CHST8: variants seen among roughly 807,000 people sequenced by gnomAD.
CHST8 encodes the protein carbohydrate sulfotransferase 8, also known as GALNAC-4-ST1.
CHST8 carries 10 observed loss-of-function variants against 15.0 expected under a neutral mutation model. The ratio of observed to expected loss-of-function variants is 0.67; its 90% CI spans 0.41 to 1.13. The LOEUF is 1.13. Ranked by LOEUF, CHST8 falls within the 50% of genes most tolerant of loss-of-function variation. The pLI, the probability that CHST8 is intolerant of heterozygous loss-of-function variation, is 0.00. For synonymous variants in CHST8, 259 were observed against 256.6 expected (o/e 1.01, Z -0.09); for missense variants, 634 against 608.2 (o/e 1.04, Z -0.45).
At chr19:33,711,756 C>G (rs191226907) in intron 3 of CHST8, among the ~76,000 whole-genome samples, 2 of 152,102 alleles carry the variant, frequency 1.3e-5, no homozygotes, top group Admixed American at 6.5e-5. Flanking sequence ...CTCAGCCTCC[C>G]GAGTACCTGG....
At chr19:33,648,821 T>C (rs1191202180) in intron 1 of CHST8, among the ~76,000 whole-genome samples, 1 of 109,650 alleles carries the variant, frequency 9.1e-6, no homozygotes, top group Non-Finnish European at 2.1e-5. Flanking sequence ...TATCCATCAA[T>C]AGATGAATGG....
At chr19:33,645,465 T>C (rs1972341131) in intron 1 of CHST8, among the ~76,000 whole-genome samples, 1 of 152,062 alleles carries the variant, frequency 6.6e-6, no homozygotes, top group Admixed American at 6.6e-5. Flanking sequence ...CGTGAGCAGA[T>C]GGGTTGATTC....
chr19:33,709,004 T>G (rs1011490790), intron 3 of CHST8, among the ~76,000 whole-genome samples: 4 of 152,232 alleles, frequency 2.6e-5, no homozygotes, highest in African/African-American at 9.6e-5. Flanking sequence ...TGAATGGAAT[T>G]GTTTTTCTAA....
intron 3 of CHST8, among the ~76,000 whole-genome samples, chr19:33,719,669 C>T (rs980475641): frequency 6.6e-6 from 1 of 151,634 alleles, no homozygotes; most frequent in African/African-American, 2.4e-5. Flanking sequence ...CCAGACACCC[C>T]AGGCTGTCTG....
Position 33,688,403 on chromosome 19 carries a change from G to A in CHST8, c.-86-773G>A, listed in dbSNP as rs145665321. Among the ~76,000 whole-genome samples, 88 of 152,304 alleles carry A rather than the reference G, an allele frequency of 5.8e-4. No homozygotes were observed. In the South Asian group the frequency reaches 0.01, roughly 18 times the overall value. ...AGTTAGTGCCCACCCCCAGGAACAC[G>A]AGGGGGTGTTAGTACCCAGCCTCTG... On this transcript the variant is annotated intron_variant, in intron 2 of 4. Transcript: ENST00000650847.
chr19:33,681,033 C>T (rs898116083), intron 2 of CHST8, among the ~76,000 whole-genome samples: 1 of 152,206 alleles, frequency 6.6e-6, no homozygotes, highest in Non-Finnish European at 1.5e-5. Flanking sequence ...AGGATATTGA[C>T]ATTGATACGG....
rs953210332 is a variant in CHST8 at position 33,663,363 on chromosome 19, G to A, written c.-163-4404G>A. Among the ~76,000 whole-genome samples, 15 of 152,030 alleles carry A rather than the reference G, an allele frequency of 9.9e-5. 1 individual carries two copies. Among genetic ancestry groups the A allele is most frequent in the Admixed American group, 8.5e-4 (13 of 15,264 alleles). On this transcript the variant is annotated intron_variant, in intron 1 of 4. Coordinates refer to ENST00000650847, the MANE Select transcript of CHST8 (RefSeq NM_001127895.2). ...GAGGATTGCTTGAGCCCAGGAATTC[G>A]AAATGAGCCCGGGCAACATAGCAAG...
intron 3 of CHST8, among the ~76,000 whole-genome samples, chr19:33,721,884 G>A (rs1973799631): frequency 6.6e-6 from 1 of 151,506 alleles, no homozygotes; most frequent in Non-Finnish European, 1.5e-5. Context: ...TGGATGGGTG[G>A]GTGAGTGGGT....
At chr19:33,661,569 G>A (rs925277061) in intron 1 of CHST8, among the ~76,000 whole-genome samples, 3 of 152,148 alleles carry the variant, frequency 2.0e-5, no homozygotes, top group Non-Finnish European at 2.9e-5. Flanking sequence ...CCATGGCTGG[G>A]CCATCAGGAA....
Position 33,644,581 on chromosome 19 carries a change from T to A in CHST8, c.-164+22285T>A, listed in dbSNP as rs574470670. The stretch of plus-strand genomic sequence containing the variant: ...AAGACTCCGTCTCTAAAAAAAAAAA[T>A]TTTTTTTTAATTAGCCAGGCATGGT... On this transcript the variant is annotated intron_variant, in intron 1 of 4. Coordinates refer to ENST00000650847, the MANE Select transcript of CHST8 (RefSeq NM_001127895.2). Among the ~76,000 whole-genome samples the A allele has an allele frequency of 5.0e-3, 754 of 150,538 alleles. 1 individual carries two copies. Among genetic ancestry groups the A allele is most frequent in the Middle Eastern group, 0.017 (5 of 294 alleles).
rs539824898 is a variant in CHST8, at chr19:33,736,963, C to G, written c.131-34450C>G. Among the ~76,000 whole-genome samples, 6 of 152,246 alleles carry G rather than the reference C, an allele frequency of 3.9e-5. No homozygotes were observed. In the East Asian group the frequency reaches 1.2e-3, roughly 29 times the overall value. ...GGTGATGGAAGCAACCTCCGGTTAC[C>G]CTTACTGCTCCTAAGATGCTAATTA... is the stretch of plus-strand genomic sequence containing the variant. On this transcript the variant is annotated intron_variant, in intron 3 of 4. Transcript: ENST00000650847.
chr19:33,717,189 G>A (rs919261459), intron 3 of CHST8, among the ~76,000 whole-genome samples: 5 of 152,164 alleles, frequency 3.3e-5, no homozygotes, highest in African/African-American at 9.7e-5. Context: ...GGCTGGGTGA[G>A]GTGGCTCATG....
At position 33,694,276 on chromosome 19, in the gene CHST8, G is replaced by A. The variant is rs112274286; in HGVS notation, c.130+4885G>A. On this transcript the variant is annotated intron_variant, in intron 3 of 4. Coordinates refer to ENST00000650847, the MANE Select transcript of CHST8 (RefSeq NM_001127895.2). ...ACTGTAAATAGTTCGTTCTTTTAAT[G>A]TTTGGCTTTTGCAGAGTGAGTTTTC... Among the ~76,000 whole-genome samples the A allele has an allele frequency of 6.8e-3, 958 of 140,658 alleles. 14 individuals are homozygous for A. The highest frequency in any genetic ancestry group is 0.025 in the African/African-American group (920 of 37,496). The allele number at this position is 140,658 out of a possible 152,430, so 92.3% of individuals were successfully genotyped here.
intron 3 of CHST8, among the ~76,000 whole-genome samples, chr19:33,701,187 T>C (rs1395750508): frequency 6.6e-6 from 1 of 152,112 alleles, no homozygotes; most frequent in East Asian, 1.9e-4. Flanking sequence ...CTCTCTCACC[T>C]GAGCCCAGGC....
chr19:33,674,984 T>C (rs1972791000), intron 2 of CHST8, among the ~76,000 whole-genome samples: 1 of 152,206 alleles, frequency 6.6e-6, no homozygotes, highest in African/African-American at 2.4e-5. Context: ...GTCTACAGCA[T>C]GTGCTCACCC....
intron 1 of CHST8, among the ~76,000 whole-genome samples, chr19:33,663,641 C>T (rs1182189179): frequency 6.6e-6 from 1 of 152,142 alleles, no homozygotes; most frequent in East Asian, 1.9e-4. Flanking sequence ...GAGGCAGAGG[C>T]AGGCGGATCA....
chr19:33,767,546 A>T (rs1974875797), intron 3 of CHST8, among the ~76,000 whole-genome samples: 1 of 152,248 alleles, frequency 6.6e-6, no homozygotes, highest in South Asian at 2.1e-4. Flanking sequence ...GGCAGTGCCC[A>T]TAACTCACGC....
intron 3 of CHST8, among the ~76,000 whole-genome samples, chr19:33,720,015 A>G (rs908828955): frequency 6.6e-6 from 1 of 151,832 alleles, no homozygotes; most frequent in Non-Finnish European, 1.5e-5. Flanking sequence ...TCGGCACTAC[A>G]TGTTCTCTCC....
At chr19:33,648,536 T>C (rs1972385004) in intron 1 of CHST8, among the ~76,000 whole-genome samples, 1 of 152,194 alleles carries the variant, frequency 6.6e-6, no homozygotes, top group Non-Finnish European at 1.5e-5. Context: ...GGTTCAGCCA[T>C]GTTGTATTAA....
Sources: gnomAD v4.1 joint callset for allele counts (sites outside exome capture counted in the v4.1 genomes callset) on GRCh38, gnomAD v4.1.1 for gene constraint, MANE v1.5 for transcripts, NCBI Gene and HGNC (gene_info 2026-07-23, HGNC 2026-07-21) for gene names.